The following SCN7A variants were observed in gnomAD, a reference collection of about 807,000 sequenced individuals.
SCN7A encodes the protein sodium channel protein type 7 subunit alpha.
SCN7A carries 138 observed loss-of-function variants against 155.2 expected under a neutral mutation model. The observed-to-expected ratio is 0.89, with a 90% confidence interval of 0.77 to 1.02. The LOEUF (loss-of-function observed/expected upper bound fraction) is 1.02. Ranked by LOEUF, SCN7A falls within the 50% of genes least tolerant of loss-of-function variation. The probability of loss-of-function intolerance (pLI) is 0.00; values close to 1 mark genes in which losing one functional copy is unlikely to be tolerated. For missense variants in SCN7A, 2,058 were observed against 1,986.6 expected, an observed-to-expected ratio of 1.04 and a Z score of -0.68; for synonymous variants, 693 against 649.0, an observed-to-expected ratio of 1.07 and a Z score of -1.03.
At chr2:166,416,673 A>G in intron 21 of SCN7A, 34 bp downstream of exon 21, 1 of 1,530,418 alleles carries the variant, frequency 6.5e-7, no homozygotes, top group Non-Finnish European at 8.8e-7. Flanking sequence ...GGATGAATAT[A>G]TAATTAATAA....
chr2:166,434,588 G>A (rs536332820), intron 15 of SCN7A, among the ~76,000 whole-genome samples: 1 of 152,186 alleles, frequency 6.6e-6, no homozygotes, highest in East Asian at 1.9e-4. Flanking sequence ...GTCTCCTTTG[G>A]CAATGAGGTT....
chr2:166,485,993 G>A (rs559263899), intron 2 of SCN7A, among the ~76,000 whole-genome samples: 5 of 152,224 alleles, frequency 3.3e-5, no homozygotes, highest in Middle Eastern at 3.4e-3. Flanking sequence ...GCTTCTCAGC[G>A]GAATACAAAG....
At chr2:166,479,692 G>C (rs1405214463) in intron 2 of SCN7A, among the ~76,000 whole-genome samples, 3 of 151,970 alleles carry the variant, frequency 2.0e-5, no homozygotes, top group African/African-American at 7.3e-5. Flanking sequence ...TCAAAAAAAA[G>C]GTAAACAGAA....
At position 166,456,852 on chromosome 2, in the gene SCN7A, A is replaced by G. The variant is rs747627437; in HGVS notation, c.1290+18T>C. 1 of 1,255,808 alleles carries G rather than the reference A, an allele frequency of 8.0e-7. No individual in the cohort carries two copies. The highest frequency in any genetic ancestry group is 2.6e-5 in the East Asian group (1 of 38,698). 77.8% of individuals were successfully genotyped at this position (1,255,808 alleles called of 1,614,324 possible). On this transcript the variant is annotated intron_variant, in intron 11 of 25. Coordinates refer to ENST00000643258, the MANE Select transcript of SCN7A (RefSeq NM_002976.4). ...TATAGATAGATAGATAGATAGATAG[A>G]TAGATAGATATAGATACCTCATCTG...
chr2:166,478,728 T>C (rs1316811505), intron 2 of SCN7A, among the ~76,000 whole-genome samples: 1 of 152,068 alleles, frequency 6.6e-6, no homozygotes, highest in African/African-American at 2.4e-5. Context: ...TATTTATTTA[T>C]ATATGTCCTT....
At chr2:166,431,804 A>G (rs11886788) in intron 16 of SCN7A, among the ~76,000 whole-genome samples, 92 of 152,252 alleles carry the variant, frequency 6.0e-4, no homozygotes, top group African/African-American at 2.1e-3. Context: ...AAATATGGGC[A>G]GAAATGATCT....
At chr2:166,426,217 G>C (rs1346869811) in intron 18 of SCN7A, among the ~76,000 whole-genome samples, 1 of 152,084 alleles carries the variant, frequency 6.6e-6, no homozygotes, top group Non-Finnish European at 1.5e-5. Context: ...TTTTTCAGTA[G>C]AATCTGATGC....
intron 2 of SCN7A, among the ~76,000 whole-genome samples, chr2:166,478,671 T>A (rs1330604286): frequency 6.6e-6 from 1 of 151,998 alleles, no homozygotes. Flanking sequence ...TCAATCCTTA[T>A]ACAAAAAATA....
chr2:166,480,820 G>A (rs1214324690), intron 2 of SCN7A, among the ~76,000 whole-genome samples: 2 of 152,096 alleles, frequency 1.3e-5, no homozygotes, highest in African/African-American at 2.4e-5. Flanking sequence ...GACAGTAACT[G>A]GTTGCTCAGG....
intron 3 of SCN7A, 60 bp from the exon 4 acceptor site, chr2:166,474,404 T>C: frequency 1.7e-6 from 1 of 576,246 alleles, no homozygotes; most frequent in East Asian, 3.2e-5. Flanking sequence ...TCATCAATTA[T>C]GCAATAAACT....
chr2:166,420,924 ATAT>A (rs1701497202), intron 20 of SCN7A, among the ~76,000 whole-genome samples: 2 of 151,990 alleles, frequency 1.3e-5, no homozygotes, highest in Non-Finnish European at 2.9e-5. Context: ...TGGGGTAGAA[ATAT>A]ATTTTTAAAA....
Position 166,404,824 on chromosome 2 carries a change from G to GAAAAAAAAAAAAAAAAA in SCN7A, c.*739_*755dup, listed in dbSNP as rs35675449. 9.6e-5 allele frequency: 6 copies of GAAAAAAAAAAAAAAAAA among 62,746 alleles called. No individual in the cohort carries two copies. The highest frequency in any genetic ancestry group is 0.011 in the Middle Eastern group (1 of 88). 3.9% of individuals were successfully genotyped at this position (62,746 alleles called of 1,614,324 possible). On this transcript the variant is annotated 3_prime_UTR_variant, in exon 26 of 26. Transcript: ENST00000643258. Reference sequence around the variant, plus strand: ...AAATAGGTGTAAATGAGAAGAAAATGAAAAAAAAAAAAAAAAAAAAGGCTA... The same window carrying GAAAAAAAAAAAAAAAAA: ...AAATAGGTGTAAATGAGAAGAAAATGAAAAAAAAAAAAAAAAAAAAAAAAAAAAAAAAAAAAAGGCTA...
chr2:166,419,959 T>C (rs1242790162), intron 20 of SCN7A, among the ~76,000 whole-genome samples: 2 of 152,110 alleles, frequency 1.3e-5, no homozygotes, highest in Admixed American at 6.6e-5. Flanking sequence ...AAGAAACAGA[T>C]AGATCAGGCC....
In SCN7A at chr2:166,432,455, T is replaced by C; in HGVS notation, c.2455A>G (p.Thr819Ala). 2 of 1,613,668 alleles carry C rather than the reference T, an allele frequency of 1.2e-6. No homozygotes were observed. The highest frequency in any genetic ancestry group is 2.2e-5 in the East Asian group (1 of 44,864). ...ATAAGTGATTGGCTCTCATTTTCAG[T>C]AGCGTTTTTCTCTGTGCCACTGCTT... ...EKSSGTEKNA[T>A]ENESQSLIPS... is the part of the protein sequence containing the mutation. The change falls in exon 16 of 26, where the codon ACT becomes GCT. Residue 819 changes from threonine to alanine, a missense_variant. Physicochemically the swap from Thr to Ala is moderately conservative, Grantham distance 58 (BLOSUM62 0). Coordinates refer to ENST00000643258, the MANE Select transcript of SCN7A (RefSeq NM_002976.4).
At chr2:166,456,603 A>T (rs1257944878) in intron 11 of SCN7A, among the ~76,000 whole-genome samples, 3 of 151,868 alleles carry the variant, frequency 2.0e-5, no homozygotes, top group South Asian at 4.2e-4. Context: ...CTTAACTCTA[A>T]CCTTGGCCAT....
At position 166,455,601 on chromosome 2, in the gene SCN7A, G is replaced by A. The variant is rs1158699483; in HGVS notation, c.1290+1269C>T. ...AAAAACTGCTTGTTGGGTACCAAAC[G>A]CTACCTGGGTGATGGGATCATTTGT... On this transcript the variant is annotated intron_variant, in intron 11 of 25. Coordinates refer to ENST00000643258, the MANE Select transcript of SCN7A (RefSeq NM_002976.4). Among the ~76,000 whole-genome samples, 5 of 152,130 alleles carry A rather than the reference G, an allele frequency of 3.3e-5. No individual in the cohort carries two copies. In the East Asian group the frequency reaches 5.8e-4, roughly 18 times the overall value.
At chr2:166,445,974 C>T (rs1477038264) in intron 12 of SCN7A, among the ~76,000 whole-genome samples, 1 of 152,040 alleles carries the variant, frequency 6.6e-6, no homozygotes, top group Non-Finnish European at 1.5e-5. Context: ...TGGGCAAAGC[C>T]TTCATGACTA....
At chr2:166,446,490 T>C (rs1702065329) in intron 12 of SCN7A, among the ~76,000 whole-genome samples, 1 of 152,090 alleles carries the variant, frequency 6.6e-6, no homozygotes, top group African/African-American at 2.4e-5. Context: ...GAACCAGAAA[T>C]ACCATTTGAC....
At chr2:166,410,443 G>A (rs1701176938) in intron 23 of SCN7A, 119 bp from the exon 24 acceptor site, 1 of 653,796 alleles carries the variant, frequency 1.5e-6, no homozygotes, top group Admixed American at 3.3e-5. Flanking sequence ...AAAGGCTTAA[G>A]TGCAGTGAAT....
Sources: gnomAD v4.1 joint callset for allele counts (sites outside exome capture counted in the v4.1 genomes callset) on GRCh38, gnomAD v4.1.1 for gene constraint, MANE v1.5 for transcripts, NCBI Gene and HGNC (gene_info 2026-07-23, HGNC 2026-07-21) for gene names.